Variants in DHRS4L2 observed in about 807,000 individuals in gnomAD.
DHRS4L2 encodes the protein dehydrogenase/reductase SDR family member 4-like 2.
Under a neutral mutation model 23.9 loss-of-function variants are expected in DHRS4L2, and 22 were observed. The ratio of observed to expected loss-of-function variants is 0.92; its 90% CI spans 0.66 to 1.31. The LOEUF (loss-of-function observed/expected upper bound fraction) is 1.31, where lower values mean the gene tolerates loss of function less well. DHRS4L2 is among the 40% of genes most tolerant of loss of function. DHRS4L2 has a pLI of 0.00. For missense variants in DHRS4L2, 385 were observed against 303.3 expected (o/e 1.27, Z -2.00); for synonymous variants, 141 against 123.7 (o/e 1.14, Z -0.93).
chr14:23,994,346 A>G (rs1414335735), intron 2 of DHRS4L2, among the ~76,000 whole-genome samples: 1 of 151,692 alleles, frequency 6.6e-6, no homozygotes, highest in Non-Finnish European at 1.5e-5. Context: ...AGTGTAAAGA[A>G]AAGAGCGTCA....
chr14:23,984,969 T>C (rs894001038), upstream of DHRS4L2, among the ~76,000 whole-genome samples: 4 of 151,456 alleles, frequency 2.6e-5, no homozygotes, highest in Non-Finnish European at 5.9e-5. Flanking sequence ...TACCCCTTCG[T>C]ATTTACTGAG....
chr14:23,994,380 G>A (rs112490030), intron 2 of DHRS4L2, among the ~76,000 whole-genome samples: 2,655 of 151,698 alleles, frequency 0.018, 105 homozygotes, highest in African/African-American at 0.061. Flanking sequence ...AAGAATAGGA[G>A]GTGGGAAGAA....
At chr14:24,005,461 A>G (rs1439345726) in intron 7 of DHRS4L2, among the ~76,000 whole-genome samples, 2 of 152,068 alleles carry the variant, frequency 1.3e-5, no homozygotes, top group Non-Finnish European at 2.9e-5. Flanking sequence ...GATTCCTGAA[A>G]AAGTTCTAAG....
intron 1 of DHRS4L2, among the ~76,000 whole-genome samples, chr14:23,989,595 A>T (rs2034224065): frequency 6.6e-6 from 1 of 151,480 alleles, no homozygotes; most frequent in Admixed American, 6.6e-5. Flanking sequence ...CTCTCTTGTC[A>T]GTCCTGGTTC....
chr14:23,978,026 T>C (rs181562061), intron 1 of DHRS4L2, among the ~76,000 whole-genome samples: 1 of 151,702 alleles, frequency 6.6e-6, no homozygotes, highest in Non-Finnish European at 1.5e-5. Flanking sequence ...TTCCTTTGGA[T>C]TTGATGTTTC....
At chr14:23,988,284 G>C (rs1480179547), upstream of DHRS4L2, among the ~76,000 whole-genome samples, 1 of 149,092 alleles carries the variant, frequency 6.7e-6, no homozygotes, top group Non-Finnish European at 1.5e-5. Flanking sequence ...CCCTGTAAAG[G>C]AGGAAGTCCC....
Position 23,990,131 on chromosome 14 carries a change from A to C in DHRS4L2, c.129-51A>C, listed in dbSNP as rs764162569. On this transcript the variant is annotated intron_variant, in intron 1 of 7. Transcript: ENST00000335125. Reference sequence around the variant, plus strand: ...CTTAACTTCAGAGCCCATGCTGTCGACCTCTTCCCCTGCACAGGCCTTAGC... The same window carrying C: ...CTTAACTTCAGAGCCCATGCTGTCGCCCTCTTCCCCTGCACAGGCCTTAGC... The C allele has an allele frequency of 9.4e-6, 15 of 1,600,800 alleles. No homozygotes were observed. The Admixed American group carries it at 2.7e-4, about 28-fold the overall frequency.
At position 23,975,179 on chromosome 14, in the gene DHRS4L2, G is replaced by C. The variant is rs368859226; in HGVS notation, c.-176+4847G>C. Among the ~76,000 whole-genome samples, 13 of 151,712 alleles carry C rather than the reference G, an allele frequency of 8.6e-5. 2 individuals are homozygous for C. The East Asian group carries it at 9.7e-4, about 11-fold the overall frequency. On this transcript the variant is annotated intron_variant, in intron 1 of 5. Transcript: ENST00000534993. ...TGCAGATGATTTCACCGTATATTTA[G>C]AAACCCCATGATCTCAGCCCAAAAT...
chr14:23,990,647 A>T, intron 2 of DHRS4L2: 1 of 1,197,564 alleles, frequency 8.4e-7, no homozygotes. Context: ...ATCACAAAAT[A>T]GATGTTCCCA....
intron 3 of DHRS4L2, among the ~76,000 whole-genome samples, chr14:23,999,358 A>C (rs558014307): frequency 4.9e-5 from 7 of 142,164 alleles, no homozygotes; most frequent in Admixed American, 2.1e-4. Flanking sequence ...AAAAAAAAAA[A>C]AAAAAAAAAA....
chr14:23,997,212 A>G (rs1354615209), intron 3 of DHRS4L2, among the ~76,000 whole-genome samples: 1 of 124,754 alleles, frequency 8.0e-6, no homozygotes, highest in Non-Finnish European at 1.7e-5. Flanking sequence ...ATATATACGT[A>G]TCTTAATTTT....
intron 1 of DHRS4L2, among the ~76,000 whole-genome samples, chr14:23,983,588 T>C (rs1179061913): frequency 1.3e-5 from 2 of 151,644 alleles, no homozygotes; most frequent in Non-Finnish European, 2.9e-5. Context: ...ACACATATGC[T>C]TATTGCAGCA....
chr14:23,986,867 C>T (rs1242981721), upstream of DHRS4L2, among the ~76,000 whole-genome samples: 1 of 151,732 alleles, frequency 6.6e-6, no homozygotes, highest in East Asian at 1.9e-4. Context: ...GAGCTCCAAA[C>T]AGTGCAAGAG....
chr14:23,983,740 A>G (rs1384449547), intron 1 of DHRS4L2, among the ~76,000 whole-genome samples: 1 of 151,690 alleles, frequency 6.6e-6, no homozygotes, highest in Non-Finnish European at 1.5e-5. Context: ...AGGGACATGG[A>G]TGAAGCTGGA....
intron 2 of DHRS4L2, among the ~76,000 whole-genome samples, chr14:23,994,812 G>A (rs1293328945): frequency 6.6e-6 from 1 of 151,502 alleles, no homozygotes; most frequent in African/African-American, 2.4e-5. Context: ...TGTTGTCATT[G>A]TTGTTGTTGT....
intron 2 of DHRS4L2, chr14:23,990,933 G>A (rs2034256238): frequency 8.2e-6 from 7 of 857,668 alleles, no homozygotes; most frequent in Non-Finnish European, 9.8e-6. Context: ...TTCCTTTATT[G>A]GCTGCCTGTG....
chr14:23,974,688 G>C (rs977691765), intron 1 of DHRS4L2, among the ~76,000 whole-genome samples: 2 of 151,816 alleles, frequency 1.3e-5, no homozygotes, highest in African/African-American at 2.4e-5. Flanking sequence ...ACCTTCTGCA[G>C]ACTAAATCAG....
upstream of DHRS4L2, among the ~76,000 whole-genome samples, chr14:23,985,244 G>C (rs759466488): frequency 4.6e-5 from 7 of 151,526 alleles, no homozygotes; most frequent in Non-Finnish European, 8.8e-5. Flanking sequence ...CGACCCTCAG[G>C]CCTTTGGCTC....
chr14:23,987,017 C>T (rs1160637597), upstream of DHRS4L2, among the ~76,000 whole-genome samples: 1 of 151,706 alleles, frequency 6.6e-6, no homozygotes. Flanking sequence ...TGCTGAGTAG[C>T]AAAGCAGAGT....
Sources: allele counts gnomAD v4.1 joint callset (sites outside exome capture counted in the v4.1 genomes callset), GRCh38; gene constraint gnomAD v4.1.1; transcripts MANE v1.5; gene names NCBI Gene and HGNC (gene_info 2026-07-23, HGNC 2026-07-21).